Variants in NUMA1 observed in about 807,000 individuals in gnomAD.
NUMA1 encodes nuclear mitotic apparatus protein 1.
A neutral mutation model predicts 237.1 loss-of-function variants in NUMA1; 62 were observed. That is an observed-to-expected ratio of 0.26 (90% CI 0.21 to 0.32). The LOEUF (loss-of-function observed/expected upper bound fraction) is 0.32, where lower values mean the gene tolerates loss of function less well. NUMA1 is among the 10% of genes least tolerant of loss of function. The pLI, the probability that NUMA1 is intolerant of heterozygous loss-of-function variation, is 1.00. For synonymous variants in NUMA1, 1,028 were observed against 1,066.1 expected (o/e 0.96, Z 0.70); for missense variants, 2,533 against 2,666.5 (o/e 0.95, Z 1.10).
intron 10 of NUMA1, 129 bp downstream of exon 10, chr11:72,018,694 G>T: frequency 8.2e-7 from 1 of 1,220,300 alleles, no homozygotes; most frequent in Non-Finnish European, 1.1e-6. Flanking sequence ...CTTCCAGGAG[G>T]TCAGCCTGAC....
rs1026160242 is a variant in NUMA1 at position 72,014,786 on chromosome 11, T to C, written c.2717A>G (p.Gln906Arg). 1 of 1,614,078 alleles carries C rather than the reference T, an allele frequency of 6.2e-7. No individual in the cohort carries two copies. Among genetic ancestry groups the C allele is most frequent in the African/African-American group, 1.3e-5 (1 of 74,942 alleles). ...QKLADDLSTL[Q>R]EKMAATSKEV... The stretch of plus-strand genomic sequence containing the variant: ...TTTGCTGGTGGCAGCCATCTTTTCC[T>C]GCAGAGTGGAGAGGTCATCTGCAAG... The change falls in exon 15 of 27, where the codon CAG (glutamine) becomes CGG (arginine). Residue 906 changes from glutamine (Q) to arginine (R), a missense_variant. Coordinates refer to ENST00000393695, the MANE Select transcript of NUMA1 (RefSeq NM_006185.4). The surrounding 1 kb of genome is among the most constrained non-coding windows in gnomAD (Gnocchi z 4.6).
chr11:72,042,950 C>CA (rs916255313), intron 2 of NUMA1, among the ~76,000 whole-genome samples: 111 of 151,868 alleles, frequency 7.3e-4, no homozygotes, highest in African/African-American at 2.6e-3. Flanking sequence ...CCCATCTCTA[C>CA]AAAAAATTTC....
Position 72,016,387 on chromosome 11 carries a change from GGTCTTT to G in NUMA1, c.1242+15_1242+20del. On this transcript the variant is annotated intron_variant, in intron 14 of 26. Transcript: ENST00000393695. ...AGTCCACACCAACCAGCAGCACACA[GGTCTTT>G]CTGTGCATTCCTACCTGCAAGACAT... 6.2e-7 allele frequency: 1 copy of G among 1,612,740 alleles called. No individual in the cohort carries two copies. The highest frequency in any genetic ancestry group is 8.5e-7 in the Non-Finnish European group (1 of 1,179,532).
intron 20 of NUMA1, 40 bp downstream of exon 20, chr11:72,008,648 A>C (rs1328097108): frequency 1.9e-6 from 3 of 1,602,814 alleles, no homozygotes; most frequent in Non-Finnish European, 2.6e-6. Context: ...AACAGCAGGC[A>C]CTCCATAAAC....
In NUMA1 at chr11:72,015,076, T is replaced by A. The variant is rs143000254; in HGVS notation, c.2427A>T (p.Glu809Asp). ...CATACCGCTCACGCCAGGCAGCTAC[T>A]TCTTTGACGAGCTGCTCACACTCAC... ...AESECEQLVKEVAAWRERYED... is the reference protein window; with the variant it reads ...AESECEQLVKDVAAWRERYED... The change falls in exon 15 of 27, where the codon GAA (glutamate) becomes GAT (aspartate). Residue 809 changes from glutamate (E) to aspartate (D), a missense_variant. Physicochemically the swap from Glu to Asp is conservative, Grantham distance 45. Coordinates refer to ENST00000393695, the MANE Select transcript of NUMA1 (RefSeq NM_006185.4). The surrounding 1 kb of genome is among the most constrained non-coding windows in gnomAD (Gnocchi z 4.0). 4,361 of 1,614,056 alleles carry A rather than the reference T, an allele frequency of 2.7e-3. 12 individuals are homozygous for A. Among genetic ancestry groups the A allele is most frequent in the South Asian group, 4.0e-3 (360 of 91,080 alleles).
intron 2 of NUMA1, chr11:72,067,078 GAA>G (rs1390123782): frequency 3.3e-5 from 5 of 152,234 alleles, no homozygotes; most frequent in African/African-American, 1.2e-4. Flanking sequence ...ATGAGGGAAA[GAA>G]GAGAAATAGG....
intron 2 of NUMA1, chr11:72,047,816 A>T (rs922858040): frequency 4.6e-5 from 7 of 152,226 alleles, no homozygotes; most frequent in African/African-American, 1.7e-4. Context: ...AAAAGACTAG[A>T]AGGCATTGTA....
rs767054765 is a variant in NUMA1, at chr11:72,014,794, G to A, written c.2709C>T (p.Ser903=). ...TGGCAGCCATCTTTTCCTGCAGAGT[G>A]GAGAGGTCATCTGCAAGCTTCTGGG... ...VRAQKLADDL[S]TLQEKMAATS... The change falls in exon 15 of 27, where the codon TCC becomes TCT. Residue 903 remains serine, a synonymous_variant. Transcript: ENST00000393695. The surrounding 1 kb of genome is among the most constrained non-coding windows in gnomAD (Gnocchi z 4.6). The A allele has an allele frequency of 6.2e-6, 10 of 1,614,186 alleles. No individual in the cohort carries two copies. The East Asian group carries it at 2.0e-4, about 32-fold the overall frequency.
At chr11:72,006,503 T>C (rs549171637) in intron 21 of NUMA1, among the ~76,000 whole-genome samples, 3 of 152,302 alleles carry the variant, frequency 2.0e-5, no homozygotes, top group Admixed American at 1.3e-4. Flanking sequence ...TTCATAATGC[T>C]TTGAGGTAGG....
At position 72,017,686 on chromosome 11, in the gene NUMA1, C is replaced by T; in HGVS notation, c.1119+1G>A. On this transcript the variant is annotated splice_donor_variant, in intron 13 of 26. Coordinates refer to ENST00000393695, the MANE Select transcript of NUMA1 (RefSeq NM_006185.4). LOFTEE classifies it high-confidence loss of function. ...TGGCTGTGACCCCAGCAGAGGGTTA[C>T]CTTGTCCTGCAGGGCTGCGCTGAGC... The T allele has an allele frequency of 6.2e-7, 1 of 1,612,992 alleles. No individual in the cohort carries two copies. Among genetic ancestry groups the T allele is most frequent in the Non-Finnish European group, 8.5e-7 (1 of 1,180,016 alleles).
At chr11:72,018,673 A>C in intron 10 of NUMA1, 150 bp downstream of exon 10, 5 of 1,116,150 alleles carry the variant, frequency 4.5e-6, no homozygotes, top group Non-Finnish European at 6.4e-6. Flanking sequence ...GGGGACAAAG[A>C]CAGAACCTAG....
In NUMA1 at chr11:72,022,404, A is replaced by G; in HGVS notation, c.307T>C (p.Leu103=). The part of the protein sequence containing the change: ...LELAKMTMLL[L]YHSTMSSKSP... ...TTGGAGCTCATGGTAGAGTGGTATAAGAGCAGCATGGTCATCTAGAAGCCA... is the reference window on the plus strand; with the variant it reads ...TTGGAGCTCATGGTAGAGTGGTATAGGAGCAGCATGGTCATCTAGAAGCCA... The change falls in exon 7 of 27, where the codon TTA becomes CTA. Residue 103 remains leucine, a synonymous_variant. Coordinates refer to ENST00000393695, the MANE Select transcript of NUMA1 (RefSeq NM_006185.4). 5.0e-6 allele frequency: 8 copies of G among 1,613,294 alleles called. No homozygotes were observed. Among genetic ancestry groups the G allele is most frequent in the Non-Finnish European group, 6.8e-6 (8 of 1,179,504 alleles).
intron 20 of NUMA1, chr11:72,007,838 G>A: frequency 2.9e-6 from 1 of 349,512 alleles, no homozygotes; most frequent in Non-Finnish European, 5.5e-6. Context: ...TGCTTGGCGA[G>A]CCCAATCACC....
At chr11:72,076,284 G>A (rs769996184) in intron 1 of NUMA1, among the ~76,000 whole-genome samples, 12 of 152,200 alleles carry the variant, frequency 7.9e-5, no homozygotes, top group East Asian at 1.9e-4. Flanking sequence ...TGAGGTGGGC[G>A]GACTGCTTGA....
chr11:72,050,684 G>T (rs1565276156), intron 2 of NUMA1: 1 of 152,180 alleles, frequency 6.6e-6, no homozygotes, highest in Non-Finnish European at 1.5e-5. Context: ...CGACTGGTAA[G>T]GCTGCAGAGC....
intron 22 of NUMA1, chr11:72,005,603 T>A: frequency 1.8e-6 from 1 of 544,182 alleles, no homozygotes; most frequent in Non-Finnish European, 3.2e-6. Flanking sequence ...CAGAGACTGC[T>A]ACTACATCTT....
intron 3 of NUMA1, among the ~76,000 whole-genome samples, chr11:72,033,510 C>G (rs1940616246): frequency 1.3e-5 from 2 of 151,808 alleles, no homozygotes; most frequent in South Asian, 4.2e-4. Context: ...GTAGCTGGAA[C>G]CACAGGAGCA....
At chr11:72,027,654 T>C (rs1410421018) in intron 4 of NUMA1, among the ~76,000 whole-genome samples, 1 of 152,182 alleles carries the variant, frequency 6.6e-6, no homozygotes, top group Non-Finnish European at 1.5e-5. Context: ...AACACCAGGC[T>C]GAAGATTTTA....
chr11:72,060,877 C>G (rs1942903031), intron 2 of NUMA1, among the ~76,000 whole-genome samples: 1 of 152,060 alleles, frequency 6.6e-6, no homozygotes. Flanking sequence ...CGAGACTGTC[C>G]TGGCCAACAT....
Sources: allele counts gnomAD v4.1 joint callset (sites outside exome capture counted in the v4.1 genomes callset), GRCh38; gene constraint gnomAD v4.1.1; non-coding constraint Gnocchi (gnomAD v3.1); transcripts MANE v1.5; gene names NCBI Gene and HGNC (gene_info 2026-07-23, HGNC 2026-07-21).